The following MCMDC2 variants were observed in gnomAD, a reference collection of about 807,000 sequenced individuals.
MCMDC2 encodes minichromosome maintenance domain containing 2, also known as minichromosome maintenance domain-containing protein 2.
In MCMDC2, 54 loss-of-function variants were observed where a neutral mutation model predicts 75.8. That is an observed-to-expected ratio of 0.71 (90% CI 0.57 to 0.89). The LOEUF is 0.89. MCMDC2 is among the 40% of genes least tolerant of loss of function. The probability of loss-of-function intolerance (pLI) is 0.00; values close to 1 mark genes in which losing one functional copy is unlikely to be tolerated. For missense variants in MCMDC2, 656 were observed against 780.4 expected, an observed-to-expected ratio of 0.84 and a Z score of 1.90; for synonymous variants, 249 against 274.6, an observed-to-expected ratio of 0.91 and a Z score of 0.92.
intron 9 of MCMDC2, among the ~76,000 whole-genome samples, chr8:66,890,359 C>T (rs1365901651): frequency 1.3e-5 from 2 of 151,606 alleles, no homozygotes; most frequent in Non-Finnish European, 2.9e-5. Context: ...AGCCATTACG[C>T]CTGGCCACCA....
In MCMDC2 at chr8:66,896,966, G is replaced by A. The variant is rs773150065; in HGVS notation, c.1626+7G>A. On this transcript the variant is annotated splice_region_variant and intron_variant, in intron 12 of 14. Coordinates refer to ENST00000422365, the MANE Select transcript of MCMDC2 (RefSeq NM_173518.5). ...AACTGAAGATTTTGAAAAGGTAAAG[G>A]TGGATAAAACGGTTACCCAGAATGC... The A allele has an allele frequency of 1.6e-5, 25 of 1,590,402 alleles. No homozygotes were observed. The highest frequency in any genetic ancestry group is 2.0e-5 in the Non-Finnish European group (24 of 1,171,186).
Position 66,896,333 on chromosome 8 carries a change from G to A in MCMDC2, c.1443G>A (p.Gln481=), listed in dbSNP as rs368439727. Residue 481 remains glutamine, a synonymous_variant, in exon 11 of 15, where the codon CAG becomes CAA. Transcript: ENST00000422365. ...AGAAAATCAACACTCTAATTGGTCA[G>A]ATGGTAAGGTATATGTATATTTTAT... ...NAQKINTLIG[Q]MDCSLIPANL... is the part of the protein sequence containing the mutation. The A allele has an allele frequency of 4.6e-5, 73 of 1,602,054 alleles. No homozygotes were observed. The highest frequency in any genetic ancestry group is 1.7e-4 in the Middle Eastern group (1 of 6,032).
At chr8:66,881,278 ATAAT>A (rs754567613) in intron 8 of MCMDC2, among the ~76,000 whole-genome samples, 1 of 152,244 alleles carries the variant, frequency 6.6e-6, no homozygotes. Flanking sequence ...AATTTTTTAA[ATAAT>A]TAATAATGAG....
At chr8:66,890,030 C>G (rs112288583) in intron 9 of MCMDC2, among the ~76,000 whole-genome samples, 4,592 of 152,262 alleles carry the variant, frequency 0.03, 138 homozygotes, top group African/African-American at 0.06. Context: ...TTCTCTGACT[C>G]CCTTCCAGGA....
chr8:66,881,615 G>A (rs922831035), intron 8 of MCMDC2, among the ~76,000 whole-genome samples: 9 of 152,198 alleles, frequency 5.9e-5, no homozygotes, highest in African/African-American at 2.2e-4. Context: ...GAACCTGGGA[G>A]GCAGAGGTTG....
Position 66,896,158 on chromosome 8 carries a change from C to T in MCMDC2, c.1280-12C>T, listed in dbSNP as rs1812340608. The T allele has an allele frequency of 6.3e-7, 1 of 1,597,548 alleles. No individual in the cohort carries two copies. On this transcript the variant is annotated splice_polypyrimidine_tract_variant and intron_variant, in intron 10 of 14. Transcript: ENST00000422365. ...AACTTAAATAACAAATGGATAATGT[C>T]TTCTGACTTAGTTCTGGAGAGCAGA...
At position 66,878,638 on chromosome 8, in the gene MCMDC2, T is replaced by A. The variant is rs777322369; in HGVS notation, c.546T>A (p.Phe182Leu). The stretch of plus-strand genomic sequence containing the variant: ...AATCTGCAACGATAAGAAATGACTT[T>A]TTGTGTAATCTATGTGCATCTTCAC... ...ATESATIRND[F>L]LCNLCASSLQ... Residue 182 changes from phenylalanine (F) to leucine (L), a missense_variant, in exon 6 of 15, where the codon TTT (phenylalanine) becomes TTA (leucine). Phe to Leu is a conservative substitution (Grantham distance 22, BLOSUM62 0). Coordinates refer to ENST00000422365, the MANE Select transcript of MCMDC2 (RefSeq NM_173518.5). The A allele has an allele frequency of 1.5e-5, 24 of 1,573,176 alleles. No homozygotes were observed. The South Asian group carries it at 2.9e-4, about 19-fold the overall frequency.
intron 14 of MCMDC2, among the ~76,000 whole-genome samples, chr8:66,916,442 G>A (rs1352617162): frequency 6.6e-6 from 1 of 152,134 alleles, no homozygotes; most frequent in African/African-American, 2.4e-5. Context: ...AGTGTCCGAG[G>A]GAAACTCAGC....
chr8:66,893,925 T>G (rs549959898), intron 10 of MCMDC2, among the ~76,000 whole-genome samples: 13 of 152,314 alleles, frequency 8.5e-5, no homozygotes, highest in Non-Finnish European at 1.8e-4. Flanking sequence ...GAACTTGGCA[T>G]TTGGTTTAAA....
rs371973594 is a variant in MCMDC2, at chr8:66,909,972, C to T, written c.1879+4637C>T. Among the ~76,000 whole-genome samples the T allele has an allele frequency of 3.6e-4, 55 of 152,322 alleles. No homozygotes were observed. In the East Asian group the frequency reaches 9.5e-3, roughly 26 times the overall value. ...CTTTGTGAAGTATCGGGACTTGGTG[C>T]CCTGCATCCCAGCCTTGGCTAAAAG... On this transcript the variant is annotated intron_variant, in intron 14 of 14. Transcript: ENST00000422365.
chr8:66,924,544 G>A (rs772025126), downstream of MCMDC2, among the ~76,000 whole-genome samples: 1 of 150,288 alleles, frequency 6.7e-6, no homozygotes, highest in African/African-American at 2.5e-5. Context: ...CTGAGGCAGA[G>A]AACTGCTTGA....
chr8:66,887,874 A>C (rs907160034), intron 9 of MCMDC2, among the ~76,000 whole-genome samples: 4 of 150,582 alleles, frequency 2.7e-5, no homozygotes, highest in African/African-American at 7.3e-5. Context: ...AGGCAGAATC[A>C]GGGTATAAAA....
At chr8:66,876,822 G>A (rs565547180) in intron 4 of MCMDC2, among the ~76,000 whole-genome samples, 38 of 152,110 alleles carry the variant, frequency 2.5e-4, no homozygotes, top group Admixed American at 1.5e-3. Context: ...GTGCAGTGGC[G>A]CGACCTCGGC....
Position 66,877,489 on chromosome 8 carries a change from G to A in MCMDC2, c.426G>A (p.Lys142=). 6.2e-7 allele frequency: 1 copy of A among 1,611,534 alleles called. No individual in the cohort carries two copies. The highest frequency in any genetic ancestry group is 8.5e-7 in the Non-Finnish European group (1 of 1,179,370). Residue 142 remains lysine, a synonymous_variant, in exon 5 of 15, where the codon AAG becomes AAA. Transcript: ENST00000422365. ...TGATTGCAATGACAACTATAACCAA[G>A]TATACACAAGGGGCAAGATTTCTTT... ...GIVIAMTTIT[K]YTQGARFLCS...
chr8:66,876,951 G>A (rs1293994509), intron 4 of MCMDC2, among the ~76,000 whole-genome samples: 1 of 151,978 alleles, frequency 6.6e-6, no homozygotes, highest in East Asian at 1.9e-4. Flanking sequence ...TAGTAGAGAA[G>A]GGGTTTCACC....
At position 66,896,253 on chromosome 8, in the gene MCMDC2, C is replaced by T. The variant is rs751075073; in HGVS notation, c.1363C>T (p.Gln455Ter). ...DIDQQMTFPV[Q>*]CSFWSFVDVD... ...TGATCAACAGATGACTTTTCCAGTT[C>T]AGTGCAGTTTTTGGTCTTTTGTTGA... Residue 455 changes from glutamine to a stop codon, truncating the protein, a stop_gained, in exon 11 of 15, where the codon CAG becomes TAG. Coordinates refer to ENST00000422365, the MANE Select transcript of MCMDC2 (RefSeq NM_173518.5). LOFTEE classifies it high-confidence loss of function. 4 of 1,611,922 alleles carry T rather than the reference C, an allele frequency of 2.5e-6. No homozygotes were observed. Among genetic ancestry groups the T allele is most frequent in the Non-Finnish European group, 3.4e-6 (4 of 1,179,638 alleles).
chr8:66,907,478 G>A (rs1213831745), intron 14 of MCMDC2, among the ~76,000 whole-genome samples: 1 of 152,118 alleles, frequency 6.6e-6, no homozygotes, highest in African/African-American at 2.4e-5. Flanking sequence ...TATCATTGAT[G>A]GGCATTTGGG....
chr8:66,905,287 G>A lies in MCMDC2; in HGVS notation c.1831G>A (p.Val611Met). ...NLRNKVLKED[V>M]LIAALLFETS... ...AAGGAACAAAGTGCTTAAAGAAGAT[G>A]TGCTGATTGCAGCCTTACTATTTGA... Residue 611 changes from valine (V) to methionine (M), a missense_variant, in exon 14 of 15, where the codon GTG becomes ATG. By Grantham distance (21) the Val-to-Met change is conservative. Transcript: ENST00000422365. 3 of 1,494,962 alleles carry A rather than the reference G, an allele frequency of 2.0e-6. No homozygotes were observed. Among genetic ancestry groups the A allele is most frequent in the Non-Finnish European group, 2.7e-6 (3 of 1,118,538 alleles). The allele number at this position is 1,494,962 out of a possible 1,614,324, so 92.6% of individuals were successfully genotyped here.
intron 4 of MCMDC2, among the ~76,000 whole-genome samples, chr8:66,875,625 G>C (rs1335625842): frequency 6.6e-6 from 1 of 152,142 alleles, no homozygotes; most frequent in Non-Finnish European, 1.5e-5. Context: ...CCTTACAAAA[G>C]TAACAATAAT....
Sources: allele counts gnomAD v4.1 joint callset (sites outside exome capture counted in the v4.1 genomes callset), GRCh38; gene constraint gnomAD v4.1.1; transcripts MANE v1.5; gene names NCBI Gene and HGNC (gene_info 2026-07-23, HGNC 2026-07-21).